Variants in KCNG3 observed in about 807,000 individuals in gnomAD.
KCNG3 encodes potassium voltage-gated channel modifier subfamily G member 3.
Under a neutral mutation model 29.0 loss-of-function variants are expected in KCNG3, and 15 were observed. The observed-to-expected ratio is 0.52, with a 90% CI of 0.35 to 0.80. KCNG3 has a LOEUF of 0.80. Among genes scored for constraint, KCNG3 ranks in the 30% least tolerant of loss-of-function variants. The pLI, the probability that KCNG3 is intolerant of heterozygous loss-of-function variation, is 0.01. For synonymous variants in KCNG3, 322 were observed against 248.9 expected, an observed-to-expected ratio of 1.29 and a Z score of -2.76; for missense variants, 512 against 605.7, an observed-to-expected ratio of 0.85 and a Z score of 1.62.
At chr2:42,417,800 G>A in the KCNG3 span, among the ~76,000 whole-genome samples, 1 of 151,756 alleles carries the variant, frequency 6.6e-6, no homozygotes, top group East Asian at 1.9e-4. Flanking sequence ...GTGAAACCCT[G>A]TCTCTGCTAA....
intron 1 of KCNG3, chr2:42,463,924 C>A: frequency 5.9e-6 from 2 of 337,168 alleles, no homozygotes; most frequent in Admixed American, 3.6e-5. Context: ...TTTTATTAAG[C>A]CTAATCCACA....
rs147022405 is a variant in KCNG3 at position 42,493,328 on chromosome 2, G to A, written c.174C>T (p.Arg58=). The A allele has an allele frequency of 7.0e-5, 112 of 1,606,150 alleles. No individual in the cohort carries two copies. The African/African-American group carries it at 1.2e-3, about 17-fold the overall frequency. ...AGTGCCGGTCGAAGAAGTACTCGTT[G>A]CGCTCGCGGTCGTAGTCGTCGCACA... ...LEVCDDYDRE[R]NEYFFDRHSE... The change falls in exon 1 of 2, where the codon CGC becomes CGT. Residue 58 remains arginine (R), a synonymous_variant. Transcript: ENST00000306078.
At chr2:42,471,844 A>G (rs1439704533) in intron 1 of KCNG3, among the ~76,000 whole-genome samples, 1 of 148,638 alleles carries the variant, frequency 6.7e-6, no homozygotes, top group Non-Finnish European at 1.5e-5. Flanking sequence ...TGACTGCACC[A>G]CTGCACTCCA....
the KCNG3 span, chr2:42,413,891 G>A: frequency 6.6e-6 from 1 of 152,144 alleles, no homozygotes; most frequent in South Asian, 2.1e-4. Flanking sequence ...TGACACATGG[G>A]GATTATGGGA....
the KCNG3 span, among the ~76,000 whole-genome samples, chr2:42,431,237 A>G: frequency 6.6e-6 from 1 of 152,132 alleles, no homozygotes; most frequent in African/African-American, 2.4e-5. Flanking sequence ...TGCTATTCCT[A>G]AGAATAGCTG....
At chr2:42,395,007 C>A in the KCNG3 span, among the ~76,000 whole-genome samples, 1 of 152,200 alleles carries the variant, frequency 6.6e-6, no homozygotes, top group East Asian at 1.9e-4. Flanking sequence ...AGGGGCCCTG[C>A]GATGGCTGGG....
chr2:42,397,043 G>C, the KCNG3 span, among the ~76,000 whole-genome samples: 4 of 152,194 alleles, frequency 2.6e-5, no homozygotes, highest in Non-Finnish European at 5.9e-5. Context: ...TCAGCATTTT[G>C]AGACCAGCTT....
intron 1 of KCNG3, among the ~76,000 whole-genome samples, chr2:42,478,671 T>C (rs970622851): frequency 7.9e-5 from 12 of 152,128 alleles, no homozygotes; most frequent in Non-Finnish European, 1.8e-4. Context: ...GCTGTGTTAG[T>C]TCTGTCCCCC....
At chr2:42,409,198 A>T in the KCNG3 span, among the ~76,000 whole-genome samples, 84 of 152,102 alleles carry the variant, frequency 5.5e-4, no homozygotes, top group African/African-American at 2.0e-3. Flanking sequence ...AGTGAGTGAA[A>T]TGACTCCAGC....
chr2:42,436,364 C>T, the KCNG3 span, among the ~76,000 whole-genome samples: 2 of 152,148 alleles, frequency 1.3e-5, no homozygotes, highest in African/African-American at 4.8e-5. Flanking sequence ...TTTAAGATAA[C>T]AAATTGTATG....
intron 1 of KCNG3, among the ~76,000 whole-genome samples, chr2:42,447,307 T>C (rs1176235845): frequency 6.6e-6 from 1 of 151,932 alleles, no homozygotes; most frequent in Non-Finnish European, 1.5e-5. Flanking sequence ...CATACACACA[T>C]ATATATGTAT....
intron 1 of KCNG3, among the ~76,000 whole-genome samples, chr2:42,475,477 C>T (rs944757422): frequency 4.0e-5 from 6 of 151,710 alleles, no homozygotes; most frequent in Admixed American, 6.6e-5. Flanking sequence ...AAGAGGTGCA[C>T]ATCATTACAC....
intron 1 of KCNG3, among the ~76,000 whole-genome samples, chr2:42,447,449 TC>T (rs1672628625): frequency 6.6e-6 from 1 of 152,092 alleles, no homozygotes; most frequent in Non-Finnish European, 1.5e-5. Context: ...GACACAGTGT[TC>T]CACTGAATGT....
chr2:42,471,964 A>G (rs953665054), intron 1 of KCNG3, among the ~76,000 whole-genome samples: 1 of 152,180 alleles, frequency 6.6e-6, no homozygotes, highest in African/African-American at 2.4e-5. Flanking sequence ...AAAGTGTTAA[A>G]GTCTGACAAC....
chr2:42,410,107 T>G, the KCNG3 span, among the ~76,000 whole-genome samples: 1 of 152,214 alleles, frequency 6.6e-6, no homozygotes, highest in South Asian at 2.1e-4. Flanking sequence ...TAATAATTCC[T>G]GGAGATCTTG....
At chr2:42,453,769 A>C (rs1360574079) in intron 1 of KCNG3, among the ~76,000 whole-genome samples, 1 of 152,170 alleles carries the variant, frequency 6.6e-6, no homozygotes, top group Non-Finnish European at 1.5e-5. Flanking sequence ...GGTACTGCTC[A>C]AGAAATCTTT....
chr2:42,461,172 CAAAACAAAACAAAA>C (rs1673007758), intron 1 of KCNG3, among the ~76,000 whole-genome samples: 1 of 14,748 alleles, frequency 6.8e-5, no homozygotes, highest in South Asian at 1.9e-3. Flanking sequence ...AAAAACAAAA[CAAAACAAAACAAAA>C]AAAAAAAAAA....
intron 1 of KCNG3, among the ~76,000 whole-genome samples, chr2:42,450,887 G>A (rs1406422949): frequency 6.6e-6 from 1 of 152,192 alleles, no homozygotes. Flanking sequence ...AAATGCAAAT[G>A]ATTTTATGAC....
chr2:42,442,692 T>C lies in KCNG3; in HGVS notation c.*1242A>G, dbSNP rs984388598. ...CACTAACTTCTTTATGGTAACTGGT[T>C]GAAAAAGCAAAATTCTAATTTCTGT... On this transcript the variant is annotated 3_prime_UTR_variant, in exon 2 of 2. Transcript: ENST00000306078. 6 of 152,218 alleles carry C rather than the reference T, an allele frequency of 3.9e-5. 1 individual carries two copies. The East Asian group carries it at 5.8e-4, about 15-fold the overall frequency. The allele number at this position is 152,218 out of a possible 1,614,324, so 9.4% of individuals were successfully genotyped here.
Sources: gnomAD v4.1 joint callset for allele counts (sites outside exome capture counted in the v4.1 genomes callset) on GRCh38, gnomAD v4.1.1 for gene constraint, MANE v1.5 for transcripts, NCBI Gene and HGNC (gene_info 2026-07-23, HGNC 2026-07-21) for gene names.